CPA6: variants seen among roughly 807,000 people sequenced by gnomAD.
The protein encoded by CPA6 is carboxypeptidase B.
In CPA6, 58 loss-of-function variants were observed where a neutral mutation model predicts 63.3. The ratio of observed to expected loss-of-function variants is 0.92; its 90% CI spans 0.74 to 1.14. CPA6 has a LOEUF of 1.14. CPA6 is among the 50% of genes most tolerant of loss of function. The pLI is 0.00. For missense variants in CPA6, 565 were observed against 526.6 expected (o/e 1.07, Z -0.71); for synonymous variants, 185 against 179.0 (o/e 1.03, Z -0.27).
chr8:67,536,176 T>C (rs1812581012), intron 2 of CPA6, among the ~76,000 whole-genome samples: 1 of 152,202 alleles, frequency 6.6e-6, no homozygotes, highest in Non-Finnish European at 1.5e-5. Flanking sequence ...CTTGGTTGTG[T>C]GGGCTCTTTT....
intron 1 of CPA6, among the ~76,000 whole-genome samples, chr8:67,630,140 T>TAATAA (rs397971732): frequency 6.7e-6 from 1 of 149,750 alleles, no homozygotes; most frequent in Admixed American, 6.7e-5. Context: ...ATAATAATAA[T>TAATAA]TTGTATTCAT....
chr8:67,678,981 T>C (rs1211419595), intron 1 of CPA6, among the ~76,000 whole-genome samples: 3 of 152,214 alleles, frequency 2.0e-5, no homozygotes, highest in Non-Finnish European at 4.4e-5. Context: ...TTTGTTTCCA[T>C]TGATATAACA....
intron 1 of CPA6, among the ~76,000 whole-genome samples, chr8:67,697,158 A>C (rs1781979688): frequency 6.6e-6 from 1 of 152,098 alleles, no homozygotes; most frequent in Non-Finnish European, 1.5e-5. Context: ...GCTCTGTTGT[A>C]CTTGTGGGGG....
At chr8:67,453,150 T>A (rs1207333072) in intron 8 of CPA6, among the ~76,000 whole-genome samples, 2 of 152,018 alleles carry the variant, frequency 1.3e-5, no homozygotes, top group Non-Finnish European at 2.9e-5. Flanking sequence ...GTAGCAGCTG[T>A]GAGAGTAGTT....
chr8:67,657,104 T>A (rs1816003688), intron 1 of CPA6, among the ~76,000 whole-genome samples: 1 of 152,170 alleles, frequency 6.6e-6, no homozygotes, highest in Admixed American at 6.6e-5. Flanking sequence ...ACAGGAGCAA[T>A]GGCTCAGAAG....
At chr8:67,640,928 G>A (rs958943035) in intron 1 of CPA6, among the ~76,000 whole-genome samples, 3 of 151,712 alleles carry the variant, frequency 2.0e-5, no homozygotes, top group South Asian at 2.1e-4. Context: ...CCTGGGATGC[G>A]GCAGGGAGTG....
chr8:67,577,188 A>C lies in CPA6; in HGVS notation c.192+46988T>G, dbSNP rs1443767668. ...TTAAACGGAATCCCATTTAACCCAAACTAATTATATCCCAAATTCCACTTT... is the reference window on the plus strand; with the variant it reads ...TTAAACGGAATCCCATTTAACCCAACCTAATTATATCCCAAATTCCACTTT... On this transcript the variant is annotated intron_variant, in intron 2 of 10. Transcript: ENST00000297770. 2.0e-5 allele frequency among the ~76,000 whole-genome samples: 3 copies of C among 152,080 alleles called. No individual in the cohort carries two copies. The East Asian group carries it at 5.8e-4, about 29-fold the overall frequency.
chr8:67,727,707 A>T (rs1817624350), intron 1 of CPA6, among the ~76,000 whole-genome samples: 1 of 152,214 alleles, frequency 6.6e-6, no homozygotes, highest in Non-Finnish European at 1.5e-5. Context: ...TTTTGTTCAC[A>T]GGGCAGTTAT....
intron 1 of CPA6, among the ~76,000 whole-genome samples, chr8:67,685,929 C>T (rs1319758201): frequency 6.6e-6 from 1 of 152,198 alleles, no homozygotes; most frequent in Non-Finnish European, 1.5e-5. Flanking sequence ...GCTTCCCCAA[C>T]CACACTCTCT....
chr8:67,733,608 A>T (rs1049336950), intron 1 of CPA6, among the ~76,000 whole-genome samples: 6 of 152,162 alleles, frequency 3.9e-5, no homozygotes, highest in African/African-American at 1.4e-4. Context: ...AAACTTCACA[A>T]GATACTTTGT....
chr8:67,563,144 C>T (rs568895122), intron 2 of CPA6, among the ~76,000 whole-genome samples: 1 of 151,404 alleles, frequency 6.6e-6, no homozygotes, highest in East Asian at 1.9e-4. Flanking sequence ...CAACCAGGGC[C>T]AAATAGGATG....
intron 1 of CPA6, among the ~76,000 whole-genome samples, chr8:67,705,312 A>G (rs779457003): frequency 3.5e-4 from 53 of 152,158 alleles, no homozygotes; most frequent in Admixed American, 1.3e-4. Flanking sequence ...CCAGTTTCCA[A>G]ATCAGACCTC....
chr8:67,584,992 C>A (rs900065438), intron 2 of CPA6, among the ~76,000 whole-genome samples: 1 of 151,808 alleles, frequency 6.6e-6, no homozygotes, highest in Non-Finnish European at 1.5e-5. Context: ...CGATAAAGAG[C>A]TGAAAGAGGT....
At chr8:67,659,485 AATT>A (rs1231452302) in intron 1 of CPA6, among the ~76,000 whole-genome samples, 3 of 152,234 alleles carry the variant, frequency 2.0e-5, no homozygotes, top group African/African-American at 7.2e-5. Flanking sequence ...AAATGAGACT[AATT>A]ATAACATTGG....
intron 1 of CPA6, among the ~76,000 whole-genome samples, chr8:67,730,655 C>T (rs1817688189): frequency 1.3e-5 from 2 of 152,190 alleles, no homozygotes; most frequent in Admixed American, 1.3e-4. Context: ...CACCTGTCAT[C>T]TCATTAGCAT....
chr8:67,631,190 T>C (rs1815320649), intron 1 of CPA6, among the ~76,000 whole-genome samples: 2 of 152,150 alleles, frequency 1.3e-5, no homozygotes, highest in African/African-American at 2.4e-5. Flanking sequence ...CTGAGTTGGG[T>C]GGGGACTTGG....
At chr8:67,718,648 AG>A (rs948554575) in intron 1 of CPA6, among the ~76,000 whole-genome samples, 3 of 150,246 alleles carry the variant, frequency 2.0e-5, no homozygotes, top group African/African-American at 7.4e-5. Context: ...AGACAGCTGA[AG>A]TTTTTTTTTT....
At chr8:67,499,045 T>C (rs1343695894) in intron 6 of CPA6, among the ~76,000 whole-genome samples, 1 of 152,180 alleles carries the variant, frequency 6.6e-6, no homozygotes, top group Non-Finnish European at 1.5e-5. Flanking sequence ...ATTTTCAAAA[T>C]AATAAAATAA....
In CPA6 at chr8:67,476,884, G is replaced by A. The variant is rs144370476; in HGVS notation, c.838+6884C>T. 4.7e-3 allele frequency among the ~76,000 whole-genome samples: 713 copies of A among 152,194 alleles called. 4 individuals carry two copies. The highest frequency in any genetic ancestry group is 0.025 in the South Asian group (122 of 4,822). Reference sequence around the variant, plus strand: ...GTGTTGAGCATTTAGCACTTACTTGGCACATAATGAATCCTTAAGAAGTGC... The same window carrying A: ...GTGTTGAGCATTTAGCACTTACTTGACACATAATGAATCCTTAAGAAGTGC... On this transcript the variant is annotated intron_variant, in intron 8 of 10. Coordinates refer to ENST00000297770, the MANE Select transcript of CPA6 (RefSeq NM_020361.5).
Sources: gnomAD v4.1 joint callset for allele counts (sites outside exome capture counted in the v4.1 genomes callset) on GRCh38, gnomAD v4.1.1 for gene constraint, MANE v1.5 for transcripts, NCBI Gene and HGNC (gene_info 2026-07-23, HGNC 2026-07-21) for gene names.